The following SELP variants were observed in gnomAD, a reference collection of about 807,000 sequenced individuals.
SELP encodes P-selectin.
SELP carries 92 observed loss-of-function variants against 104.1 expected under a neutral mutation model. That is an observed-to-expected ratio of 0.88 (90% confidence interval 0.75 to 1.05). SELP has a LOEUF of 1.05. Among genes scored for constraint, SELP ranks in the 50% least tolerant of loss-of-function variants. SELP has a pLI of 0.00. For synonymous variants in SELP, 397 were observed against 364.5 expected (o/e 1.09, Z -1.01); for missense variants, 1,022 against 1,017.3 (o/e 1.00, Z -0.06).
chr1:169,617,533 A>C, intron 2 of SELP, 119 bp from the exon 3 acceptor site: 1 of 1,026,966 alleles, frequency 9.7e-7, no homozygotes, highest in Non-Finnish European at 1.4e-6. Flanking sequence ...TACACAAAAC[A>C]ACGACTAGTT....
Position 169,617,148 on chromosome 1 carries a change from C to T in SELP, c.361G>A (p.Glu121Lys), listed in dbSNP as rs1393833419. The T allele has an allele frequency of 1.9e-6, 3 of 1,614,104 alleles. No individual in the cohort carries two copies. Residue 121 changes from glutamate to lysine, a missense_variant, in exon 3 of 17, where the codon GAA (glutamate) becomes AAA (lysine). Coordinates refer to ENST00000263686, the MANE Select transcript of SELP (RefSeq NM_003005.4). ...TCGTTGTTCCTTTTGTTGTTAGGTT[C>T]ATTATCAGCCCAGTTCTCAGCCTCG... is the stretch of plus-strand genomic sequence containing the variant. ...TNEAENWADN[E>K]PNNKRNNEDC...
chr1:169,616,954 G>A, intron 3 of SELP, 74 bp downstream of exon 3: 2 of 1,472,590 alleles, frequency 1.4e-6, no homozygotes, highest in Non-Finnish European at 1.8e-6. Flanking sequence ...TGACTCGGTG[G>A]TTATGTTGGC....
chr1:169,622,553 C>T (rs2101927833), intron 1 of SELP, among the ~76,000 whole-genome samples: 1 of 152,258 alleles, frequency 6.6e-6, no homozygotes, highest in East Asian at 1.9e-4. Context: ...CTCCTCCTGT[C>T]TTAGAGATGA....
rs750616238 is a variant in SELP, at chr1:169,617,115, C to T, written c.394G>A (p.Val132Met). ...PNNKRNNEDC[V>M]EIYIKSPSAP... ...GACGGACTCTTGATGTATATCTCCA[C>T]GCAGTCCTCGTTGTTCCTTTTGTTG... is the stretch of plus-strand genomic sequence containing the variant. Residue 132 changes from valine to methionine, a missense_variant, in exon 3 of 17, where the codon GTG becomes ATG. Coordinates refer to ENST00000263686, the MANE Select transcript of SELP (RefSeq NM_003005.4). 19 of 1,613,902 alleles carry T rather than the reference C, an allele frequency of 1.2e-5. No individual in the cohort carries two copies. Among genetic ancestry groups the T allele is most frequent in the African/African-American group, 9.4e-5 (7 of 74,848 alleles).
intron 15 of SELP, among the ~76,000 whole-genome samples, 195 bp from the exon 16 acceptor site, chr1:169,590,397 T>C (rs3917851): frequency 0.057 from 8,745 of 152,328 alleles, 349 homozygotes; most frequent in Middle Eastern, 0.12. Context: ...CATTGCATTT[T>C]GCACCCACAC....
chr1:169,603,163 C>A lies in SELP; in HGVS notation c.1568G>T (p.Cys523Phe). The change falls in exon 10 of 17, where the codon TGT (cysteine) becomes TTT (phenylalanine). Residue 523 changes from cysteine to phenylalanine, a missense_variant. Transcript: ENST00000263686. ...LLSPQNGTMT[C>F]VQPLGSSSYK... ...ACTGGAACTTCCAAGAGGTTGAACA[C>A]AGGTCATTGTTCCATTCTGAGGGCT... The A allele has an allele frequency of 6.2e-7, 1 of 1,613,984 alleles. No individual in the cohort carries two copies. The highest frequency in any genetic ancestry group is 8.5e-7 in the Non-Finnish European group (1 of 1,179,942).
chr1:169,624,994 TCAAA>T (rs1174638702), intron 1 of SELP, among the ~76,000 whole-genome samples: 1 of 152,148 alleles, frequency 6.6e-6, no homozygotes. Context: ...AAAGGCGGAA[TCAAA>T]CAATGTCCCT....
intron 5 of SELP, 77 bp downstream of exon 5, chr1:169,612,852 A>T: frequency 8.0e-7 from 1 of 1,243,710 alleles, no homozygotes. Context: ...ACATTTTTTA[A>T]TGGAGAAAGC....
At chr1:169,622,055 C>T (rs1384012591) in intron 1 of SELP, among the ~76,000 whole-genome samples, 2 of 152,192 alleles carry the variant, frequency 1.3e-5, no homozygotes, top group African/African-American at 4.8e-5. Flanking sequence ...AAACAATCTG[C>T]CTAAAATACA....
intron 12 of SELP, 51 bp from the exon 13 acceptor site, chr1:169,594,928 A>G (rs1378534705): frequency 6.5e-7 from 1 of 1,529,756 alleles, no homozygotes; most frequent in East Asian, 2.3e-5. Flanking sequence ...TGGAGGTGAA[A>G]GAGATTATAG....
Position 169,595,984 on chromosome 1 carries a change from T to G in SELP, c.2042A>C (p.Asp681Ala), listed in dbSNP as rs758102473. 6 of 1,613,874 alleles carry G rather than the reference T, an allele frequency of 3.7e-6. No homozygotes were observed. The highest frequency in any genetic ancestry group is 3.3e-4 in the Middle Eastern group (2 of 6,060). ...GCNAGFTLIG[D>A]STLSCRPSGQ... ...TGAAGGTCTGCAGCTGAGAGTGCTG[T>G]CTCCTATGAGTGTGAATCCAGCGTT... The change falls in exon 12 of 17, where the codon GAC (aspartate) becomes GCC (alanine). Residue 681 changes from aspartate to alanine, a missense_variant. Asp to Ala is a moderately radical substitution (Grantham distance 126). Coordinates refer to ENST00000263686, the MANE Select transcript of SELP (RefSeq NM_003005.4).
chr1:169,617,279 T>C lies in SELP; in HGVS notation c.230A>G (p.Asp77Gly), dbSNP rs761580650. 6.2e-7 allele frequency: 1 copy of C among 1,614,152 alleles called. No homozygotes were observed. Among genetic ancestry groups the C allele is most frequent in the Non-Finnish European group, 8.5e-7 (1 of 1,180,022 alleles). ...GTAGGGTAGGACCTTATTGAGGTAA[T>C]CAATTTCATTTTTATTCTGGATGGC... ...LVAIQNKNEI[D>G]YLNKVLPYYS... is the part of the protein sequence containing the mutation. The change falls in exon 3 of 17, where the codon GAT becomes GGT. Residue 77 changes from aspartate to glycine, a missense_variant. By Grantham distance (94) the Asp-to-Gly change is moderately conservative. Transcript: ENST00000263686.
chr1:169,610,028 G>A (rs3917740), intron 7 of SELP, among the ~76,000 whole-genome samples: 37,855 of 151,882 alleles, frequency 0.25, 5,533 homozygotes, highest in African/African-American at 0.41. Context: ...CCATTATACC[G>A]TGGTCTCCTC....
At chr1:169,596,473 A>C (rs971996822) in intron 11 of SELP, among the ~76,000 whole-genome samples, 1 of 152,202 alleles carries the variant, frequency 6.6e-6, no homozygotes, top group African/African-American at 2.4e-5. Context: ...TGCCTGCCCA[A>C]CCCTGCCTTA....
intron 10 of SELP, among the ~76,000 whole-genome samples, chr1:169,602,485 C>A (rs756496460): frequency 9.2e-5 from 14 of 152,162 alleles, no homozygotes; most frequent in Non-Finnish European, 2.1e-4. Context: ...TGACCCTGGA[C>A]GAGTTATTTA....
At chr1:169,593,401 T>C (rs749376104) in intron 14 of SELP, among the ~76,000 whole-genome samples, 9 of 152,264 alleles carry the variant, frequency 5.9e-5, no homozygotes, top group Non-Finnish European at 1.3e-4. Context: ...GAAGGATCTA[T>C]ATTTTTAGGA....
intron 8 of SELP, among the ~76,000 whole-genome samples, chr1:169,608,265 C>A (rs1303462762): frequency 6.6e-6 from 1 of 151,554 alleles, no homozygotes; most frequent in African/African-American, 2.4e-5. Context: ...GTATTAAGCA[C>A]ATTCATATTA....
chr1:169,605,016 A>C (rs1262392126), intron 9 of SELP, among the ~76,000 whole-genome samples: 1 of 152,206 alleles, frequency 6.6e-6, no homozygotes, highest in East Asian at 1.9e-4. Flanking sequence ...AGAGTAAATA[A>C]AGAACTAAAA....
chr1:169,608,840 T>G (rs2101896891), intron 8 of SELP, among the ~76,000 whole-genome samples: 1 of 152,174 alleles, frequency 6.6e-6, no homozygotes, highest in South Asian at 2.1e-4. Context: ...TAGTGTGAGG[T>G]ACTCCTCGTA....
Sources: gnomAD v4.1 joint callset for allele counts (sites outside exome capture counted in the v4.1 genomes callset) on GRCh38, gnomAD v4.1.1 for gene constraint, MANE v1.5 for transcripts, NCBI Gene and HGNC (gene_info 2026-07-23, HGNC 2026-07-21) for gene names.